Variants in ESR1 observed in about 807,000 individuals in gnomAD.
ESR1 encodes estrogen receptor 1.
ESR1 carries 12 observed loss-of-function variants against 52.7 expected under a neutral mutation model. The ratio of observed to expected loss-of-function variants is 0.23; its 90% confidence interval spans 0.15 to 0.37. The LOEUF (loss-of-function observed/expected upper bound fraction) is 0.37, where lower values mean the gene tolerates loss of function less well. Ranked by LOEUF, ESR1 falls within the 10% of genes least tolerant of loss-of-function variation. ESR1 has a pLI of 1.00. For synonymous variants in ESR1, 305 were observed against 316.8 expected (o/e 0.96, Z 0.39); for missense variants, 584 against 779.7 (o/e 0.75, Z 2.99).
At chr6:151,745,753 G>T (rs1339421772) in intron 2 of ESR1, among the ~76,000 whole-genome samples, 1 of 151,966 alleles carries the variant, frequency 6.6e-6, no homozygotes, top group Non-Finnish European at 1.5e-5. Flanking sequence ...TTTAATTATG[G>T]TAAAAACATA....
chr6:151,683,589 AG>A, intron 1 of ESR1, among the ~76,000 whole-genome samples: 1 of 152,178 alleles, frequency 6.6e-6, no homozygotes, highest in Non-Finnish European at 1.5e-5. Context: ...GAGGCATGGG[AG>A]ATACAGAAGT....
chr6:151,984,756 A>G, intron 4 of ESR1, among the ~76,000 whole-genome samples: 1 of 152,176 alleles, frequency 6.6e-6, no homozygotes, highest in South Asian at 2.1e-4. Flanking sequence ...CTACAAAGTA[A>G]TCTCTACTCA....
intron 4 of ESR1, among the ~76,000 whole-genome samples, chr6:151,967,995 T>G (rs111690459): frequency 6.6e-6 from 1 of 152,200 alleles, no homozygotes; most frequent in African/African-American, 2.4e-5. Context: ...TTGAGAAGTG[T>G]CTGTTCATAT....
At chr6:151,727,528 T>A (rs192108271) in intron 2 of ESR1, among the ~76,000 whole-genome samples, 13 of 152,298 alleles carry the variant, frequency 8.5e-5, no homozygotes, top group Non-Finnish European at 1.6e-4. Flanking sequence ...AAATGCATTT[T>A]AAAATTTCTG....
chr6:152,009,842 G>A (rs1253991841), intron 4 of ESR1, among the ~76,000 whole-genome samples: 1 of 152,118 alleles, frequency 6.6e-6, no homozygotes, highest in African/African-American at 2.4e-5. Flanking sequence ...AATGTCCAAT[G>A]AAAGGATACA....
At chr6:152,012,751 A>G (rs1336463708) in intron 5 of ESR1, among the ~76,000 whole-genome samples, 1 of 152,172 alleles carries the variant, frequency 6.6e-6, no homozygotes, top group African/African-American at 2.4e-5. Context: ...TGTGGGCTAC[A>G]TAACATTTTG....
intron 6 of ESR1, among the ~76,000 whole-genome samples, chr6:152,071,119 G>A (rs2048317130): frequency 6.6e-6 from 1 of 152,092 alleles, no homozygotes; most frequent in East Asian, 1.9e-4. Flanking sequence ...GAAACCTAGG[G>A]ACAACTCCCT....
chr6:152,095,674 G>T (rs1448755604), intron 7 of ESR1, among the ~76,000 whole-genome samples: 1 of 152,176 alleles, frequency 6.6e-6, no homozygotes, highest in Admixed American at 6.5e-5. Context: ...GACTATTTCT[G>T]AGCAATAATC....
chr6:152,059,246 G>T (rs1226318416), intron 5 of ESR1, among the ~76,000 whole-genome samples: 1 of 151,768 alleles, frequency 6.6e-6, no homozygotes, highest in East Asian at 1.9e-4. Context: ...AAACATAAAA[G>T]CATGGAAGTA....
intron 2 of ESR1, among the ~76,000 whole-genome samples, chr6:151,732,638 T>C (rs947708295): frequency 6.6e-6 from 1 of 152,090 alleles, no homozygotes; most frequent in African/African-American, 2.4e-5. Flanking sequence ...CCTATTGCTT[T>C]TTAAGAGCAT....
chr6:151,801,592 C>A (rs1480786506), upstream of ESR1, among the ~76,000 whole-genome samples: 1 of 152,168 alleles, frequency 6.6e-6, no homozygotes, highest in Admixed American at 6.5e-5. Flanking sequence ...ACAAATCATG[C>A]ATTTTTTTCC....
chr6:151,999,413 T>G (rs1408157906), intron 4 of ESR1, among the ~76,000 whole-genome samples: 10 of 152,136 alleles, frequency 6.6e-5, no homozygotes, highest in Admixed American at 5.2e-4. Flanking sequence ...AGGCCAACTC[T>G]TGTACCTGCT....
intron 1 of ESR1, 102 bp downstream of exon 1, chr6:151,808,466 G>A (rs1015467559): frequency 1.3e-5 from 14 of 1,108,848 alleles, no homozygotes; most frequent in African/African-American, 1.7e-5. Flanking sequence ...CGGGAGCCGC[G>A]GGACGCGCGA....
upstream of ESR1, chr6:151,807,313 AAG>A (rs540662563): frequency 4.9e-4 from 89 of 182,452 alleles, no homozygotes; most frequent in Non-Finnish European, 9.2e-4. Context: ...ATCAAACAGA[AAG>A]AGAGACAAAC....
At chr6:151,689,952 T>C (rs1177903709), upstream of ESR1, among the ~76,000 whole-genome samples, 1 of 152,146 alleles carries the variant, frequency 6.6e-6, no homozygotes, top group East Asian at 1.9e-4. Context: ...AACTTAAAAA[T>C]TGCTGCAGGA....
In ESR1 at chr6:152,101,777, T is replaced by G; in HGVS notation, c.*2811T>G. 1 of 229,670 alleles carries G rather than the reference T, an allele frequency of 4.4e-6. No homozygotes were observed. Among genetic ancestry groups the G allele is most frequent in the Non-Finnish European group, 8.6e-6 (1 of 115,896 alleles). 14.2% of individuals were successfully genotyped at this position (229,670 alleles called of 1,614,324 possible). A position where few individuals can be genotyped will look rare whatever the true frequency, so the allele number is the denominator to read the frequency against. On this transcript the variant is annotated 3_prime_UTR_variant, in exon 8 of 8. Coordinates refer to ENST00000206249, the MANE Select transcript of ESR1 (RefSeq NM_000125.4). ...AGGAATCTGGGGAATGGCAAATATA[T>G]TAAGAAGAGTATTGAAAGTATTTGG...
chr6:151,685,321 G>C (rs1778622451), intron 1 of ESR1, among the ~76,000 whole-genome samples: 1 of 151,080 alleles, frequency 6.6e-6, no homozygotes, highest in Non-Finnish European at 1.5e-5. Flanking sequence ...TTTTAGTAGA[G>C]ACGGGGTTTC....
At chr6:152,093,349 TC>T in intron 6 of ESR1, among the ~76,000 whole-genome samples, 1 of 101,826 alleles carries the variant, frequency 9.8e-6, no homozygotes, top group Non-Finnish European at 2.0e-5. Context: ...TCTCTCTCTC[TC>T]TCTTTCTCTC....
chr6:151,947,925 C>G (rs893692593), intron 4 of ESR1, among the ~76,000 whole-genome samples: 3 of 152,102 alleles, frequency 2.0e-5, no homozygotes, highest in Non-Finnish European at 4.4e-5. Flanking sequence ...ATCGAGAAGA[C>G]TTTTCTCCTT....
Sources: allele counts gnomAD v4.1 joint callset (sites outside exome capture counted in the v4.1 genomes callset), GRCh38; gene constraint gnomAD v4.1.1; transcripts MANE v1.5; gene names NCBI Gene and HGNC (gene_info 2026-07-23, HGNC 2026-07-21).